The following PTPN14 variants were observed in gnomAD, a reference collection of about 807,000 sequenced individuals.
The protein encoded by PTPN14 is protein tyrosine phosphatase non-receptor type 14.
Under a neutral mutation model 126.8 loss-of-function variants are expected in PTPN14, and 53 were observed. The ratio of observed to expected loss-of-function variants is 0.42; its 90% CI spans 0.34 to 0.53. PTPN14 has a LOEUF of 0.53. PTPN14 is among the 20% of genes least tolerant of loss of function. PTPN14 has a pLI of 0.08. For synonymous variants in PTPN14, 630 were observed against 599.3 expected (o/e 1.05, Z -0.75); for missense variants, 1,257 against 1,552.9 (o/e 0.81, Z 3.20).
Position 214,401,678 on chromosome 1 carries a change from A to G in PTPN14, c.669+7T>C, listed in dbSNP as rs764746112. The G allele has an allele frequency of 6.5e-7, 1 of 1,549,150 alleles. No homozygotes were observed. Among genetic ancestry groups the G allele is most frequent in the Non-Finnish European group, 8.9e-7 (1 of 1,123,034 alleles). ...GGTTAAAGCCAGCACAGGGCACAGC[A>G]TATTACCTTTACAGGGAAGATTTCC... is the stretch of plus-strand genomic sequence containing the variant. On this transcript the variant is annotated splice_region_variant and intron_variant, in intron 7 of 18. Coordinates refer to ENST00000366956, the MANE Select transcript of PTPN14 (RefSeq NM_005401.5).
intron 12 of PTPN14, among the ~76,000 whole-genome samples, chr1:214,385,131 G>A (rs1328007401): frequency 6.6e-6 from 1 of 152,164 alleles, no homozygotes; most frequent in African/African-American, 2.4e-5. Flanking sequence ...CTGTCCTCTT[G>A]TGCAGGGCTC....
At chr1:214,513,310 T>C (rs1394890169) in intron 1 of PTPN14, among the ~76,000 whole-genome samples, 1 of 152,224 alleles carries the variant, frequency 6.6e-6, no homozygotes, top group Admixed American at 6.5e-5. Flanking sequence ...CAAGTGGAAG[T>C]AAACAAAACA....
At chr1:214,479,848 G>A (rs749917288) in intron 1 of PTPN14, among the ~76,000 whole-genome samples, 2 of 151,814 alleles carry the variant, frequency 1.3e-5, no homozygotes, top group Non-Finnish European at 2.9e-5. Context: ...AATCACCCAC[G>A]TCACCACCCA....
chr1:214,544,055 G>A (rs116300183), intron 1 of PTPN14, among the ~76,000 whole-genome samples: 2,049 of 152,294 alleles, frequency 0.013, 45 homozygotes, highest in African/African-American at 0.046. Flanking sequence ...TAACTTAGTA[G>A]AGGAGATAGG....
chr1:214,481,640 T>C (rs963137032), intron 1 of PTPN14, among the ~76,000 whole-genome samples: 1 of 151,974 alleles, frequency 6.6e-6, no homozygotes, highest in African/African-American at 2.4e-5. Flanking sequence ...TCAAGAGTAC[T>C]GCTGCTCTGA....
At chr1:214,456,332 T>C (rs979948554) in intron 2 of PTPN14, among the ~76,000 whole-genome samples, 3 of 152,162 alleles carry the variant, frequency 2.0e-5, no homozygotes, top group Non-Finnish European at 4.4e-5. Flanking sequence ...GAATTACATA[T>C]TATACAAGCA....
intron 1 of PTPN14, among the ~76,000 whole-genome samples, chr1:214,545,081 A>C (rs1038600086): frequency 5.9e-5 from 9 of 152,198 alleles, no homozygotes; most frequent in Non-Finnish European, 1.3e-4. Context: ...GAGAAAGAGC[A>C]GCAGATGGGT....
intron 18 of PTPN14, among the ~76,000 whole-genome samples, chr1:214,358,802 G>A (rs1657885398): frequency 6.6e-6 from 1 of 151,524 alleles, no homozygotes. Flanking sequence ...GAGTGTAGTG[G>A]TGTGATCTCG....
chr1:214,398,636 T>TTTTTTTTTC, intron 7 of PTPN14, among the ~76,000 whole-genome samples: 2 of 148,362 alleles, frequency 1.3e-5, no homozygotes, highest in African/African-American at 5.0e-5. Flanking sequence ...TTTTTTTTTT[T>TTTTTTTTTC]ACAGACAGGG....
At chr1:214,543,612 G>GCATT (rs1225435977) in intron 1 of PTPN14, among the ~76,000 whole-genome samples, 1 of 151,874 alleles carries the variant, frequency 6.6e-6, no homozygotes, top group Admixed American at 6.6e-5. Context: ...TTTCAGAAAT[G>GCATT]CATTCATTCA....
chr1:214,435,148 C>T (rs1659883686), intron 3 of PTPN14, among the ~76,000 whole-genome samples: 1 of 151,974 alleles, frequency 6.6e-6, no homozygotes, highest in South Asian at 2.1e-4. Flanking sequence ...AAATTGATTC[C>T]CCCTCACCTA....
intron 1 of PTPN14, among the ~76,000 whole-genome samples, chr1:214,512,194 C>CA (rs1188152703): frequency 6.6e-6 from 1 of 152,088 alleles, no homozygotes; most frequent in East Asian, 1.9e-4. Flanking sequence ...CAGGGCCACC[C>CA]ACCAGACTGC....
At chr1:214,532,456 C>T in intron 1 of PTPN14, 2 of 816,548 alleles carry the variant, frequency 2.4e-6, no homozygotes, top group East Asian at 5.1e-5. Flanking sequence ...GACCACCTGG[C>T]CTCCTACCTG....
chr1:214,467,688 C>A (rs1660671637), intron 1 of PTPN14, among the ~76,000 whole-genome samples: 1 of 152,042 alleles, frequency 6.6e-6, no homozygotes, highest in African/African-American at 2.4e-5. Flanking sequence ...TTACAGCTGC[C>A]TTATATTATT....
intron 3 of PTPN14, among the ~76,000 whole-genome samples, chr1:214,433,990 GGCATGGTGGT>G (rs1409767648): frequency 2.0e-5 from 3 of 146,558 alleles, no homozygotes; most frequent in African/African-American, 7.5e-5. Context: ...AATTTAGCCA[GGCATGGTGGT>G]GCATGCCTGT....
At chr1:214,443,059 G>A (rs1049679137) in intron 3 of PTPN14, among the ~76,000 whole-genome samples, 2 of 152,146 alleles carry the variant, frequency 1.3e-5, no homozygotes, top group Non-Finnish European at 2.9e-5. Context: ...CCGACCTCAA[G>A]TGATCCACCC....
At chr1:214,488,564 C>A (rs1661166543) in intron 1 of PTPN14, among the ~76,000 whole-genome samples, 2 of 152,302 alleles carry the variant, frequency 1.3e-5, no homozygotes, top group Admixed American at 1.3e-4. Flanking sequence ...TTAACAATAT[C>A]TGCCCTTTGT....
chr1:214,366,560 CTCAGGTACTCTGCA>C (rs746303240), intron 17 of PTPN14, among the ~76,000 whole-genome samples: 12 of 152,104 alleles, frequency 7.9e-5, no homozygotes, highest in Non-Finnish European at 1.8e-4. Flanking sequence ...AACAATTTGG[CTCAGGTACTCTGCA>C]TCCAGGTAAT....
chr1:214,379,820 A>T (rs1658431075), intron 13 of PTPN14, among the ~76,000 whole-genome samples: 1 of 152,164 alleles, frequency 6.6e-6, no homozygotes, highest in Non-Finnish European at 1.5e-5. Context: ...AACAATATTG[A>T]CTGATGTCTC....
Sources: gnomAD v4.1 joint callset for allele counts (sites outside exome capture counted in the v4.1 genomes callset) on GRCh38, gnomAD v4.1.1 for gene constraint, MANE v1.5 for transcripts, NCBI Gene and HGNC (gene_info 2026-07-23, HGNC 2026-07-21) for gene names.